Variants in GAS6 observed in about 807,000 individuals in gnomAD.
The protein encoded by GAS6 is growth arrest-specific protein 6.
Under a neutral mutation model 75.8 loss-of-function variants are expected in GAS6, and 41 were observed. The observed-to-expected ratio is 0.54, with a 90% confidence interval of 0.42 to 0.70. The LOEUF (loss-of-function observed/expected upper bound fraction) is 0.70. Among genes scored for constraint, GAS6 ranks in the 30% least tolerant of loss-of-function variants. The pLI, the probability that GAS6 is intolerant of heterozygous loss-of-function variation, is 0.00. For missense variants in GAS6, 854 were observed against 940.2 expected (o/e 0.91, Z 1.20); for synonymous variants, 432 against 412.6 (o/e 1.05, Z -0.57).
chr13:113,834,944 C>T (rs966224961), intron 7 of GAS6, among the ~76,000 whole-genome samples: 10 of 152,256 alleles, frequency 6.6e-5, no homozygotes, highest in African/African-American at 2.4e-4. Flanking sequence ...ACCCCCGCTG[C>T]CGGGCCGGTG....
chr13:113,829,850 C>T lies in GAS6; in HGVS notation c.1144-1139G>A, dbSNP rs188783648. Among the ~76,000 whole-genome samples, 3 of 151,942 alleles carry T rather than the reference C, an allele frequency of 2.0e-5. No individual in the cohort carries two copies. The East Asian group carries it at 5.9e-4, about 30-fold the overall frequency. Reference sequence around the variant, plus strand: ...GACCTCGGGGAGACCACCTGATCCTCACCTGAGCCAAGAGGGTCCCAATCT... The same window carrying T: ...GACCTCGGGGAGACCACCTGATCCTTACCTGAGCCAAGAGGGTCCCAATCT... On this transcript the variant is annotated intron_variant, in intron 10 of 14. Coordinates refer to ENST00000327773, the MANE Select transcript of GAS6 (RefSeq NM_000820.4).
chr13:113,823,081 T>G, intron 13 of GAS6: 1 of 340,262 alleles, frequency 2.9e-6, no homozygotes, highest in Non-Finnish European at 5.3e-6. Context: ...CTAATTCAGA[T>G]TGCTGTGAGC....
At position 113,845,913 on chromosome 13, in the gene GAS6, C is replaced by T. The variant is rs1352713995; in HGVS notation, c.343+614G>A. Among the ~76,000 whole-genome samples, 1 of 152,206 alleles carries T rather than the reference C, an allele frequency of 6.6e-6. No individual in the cohort carries two copies. The highest frequency in any genetic ancestry group is 1.5e-5 in the Non-Finnish European group (1 of 68,040). On this transcript the variant is annotated intron_variant, in intron 4 of 14. Coordinates refer to ENST00000327773, the MANE Select transcript of GAS6 (RefSeq NM_000820.4). The surrounding 1 kb of genome is among the most constrained non-coding windows in gnomAD (Gnocchi z 4.3). ...TATCCAAAGGAAACATGAGGACTGC[C>T]TCTGCGATTCCATCCTTGGGAACGC...
intron 5 of GAS6, 79 bp from the exon 6 acceptor site, chr13:113,838,270 C>G: frequency 2.6e-6 from 4 of 1,558,802 alleles, no homozygotes; most frequent in Non-Finnish European, 3.5e-6. Context: ...CCCAGAGGTG[C>G]ACAGCCCAGC....
intron 3 of GAS6, chr13:113,847,162 C>T: frequency 3.2e-6 from 1 of 314,796 alleles, no homozygotes; most frequent in Non-Finnish European, 6.4e-6. Flanking sequence ...GTTACTGTTG[C>T]TTATCCAGGC....
rs374326361 is a variant in GAS6, at chr13:113,828,549, G to T, written c.1306C>A (p.Pro436Thr). 2 of 1,612,906 alleles carry T rather than the reference G, an allele frequency of 1.2e-6. No individual in the cohort carries two copies. Among genetic ancestry groups the T allele is most frequent in the East Asian group, 4.5e-5 (2 of 44,880 alleles). Reference sequence around the variant, plus strand: ...ACAGGGACAGGTACAGTACTCACAGGCTGCACGAGGTCCTTCTCATGGAAG... The same window carrying T: ...ACAGGGACAGGTACAGTACTCACAGTCTGCACGAGGTCCTTCTCATGGAAG... ...IPFHEKDLVQ[P>T]INPRLDGCMR... Residue 436 changes from proline to threonine, a missense_variant and splice_region_variant, in exon 11 of 15, where the codon CCT (proline) becomes ACT (threonine). Transcript: ENST00000327773.
Position 113,823,528 on chromosome 13 carries a change from C to T in GAS6, c.1500G>A (p.Gly500=). The stretch of plus-strand genomic sequence containing the variant: ...CTTCTACTTCCCAGGTTGATTCAGT[C>T]CCGACGTCCAGAGGGGTCCGCACTG... The part of the protein sequence containing the change: ...LDYMRTPLDV[G]TESTWEVEVV... The change falls in exon 13 of 15, where the codon GGG becomes GGA. Residue 500 remains glycine, a synonymous_variant. Coordinates refer to ENST00000327773, the MANE Select transcript of GAS6 (RefSeq NM_000820.4). The T allele has an allele frequency of 1.9e-6, 3 of 1,612,348 alleles. No homozygotes were observed. The highest frequency in any genetic ancestry group is 2.5e-6 in the Non-Finnish European group (3 of 1,179,714).
rs547278818 is a variant in GAS6, at chr13:113,821,674, T to G, written c.1882+284A>C. 4 of 449,850 alleles carry G rather than the reference T, an allele frequency of 8.9e-6. No homozygotes were observed. The South Asian group carries it at 1.7e-4, about 19-fold the overall frequency. The allele number at this position is 449,850 out of a possible 1,614,324, so 27.9% of individuals were successfully genotyped here. A position where few individuals can be genotyped will look rare whatever the true frequency, so the allele number is the denominator to read the frequency against. ...GCCCTCTCCCCCGGGGCTGGTCTGA[T>G]GGGTGTGGACGAATGCTCCCTGAAG... On this transcript the variant is annotated intron_variant, in intron 14 of 14. Transcript: ENST00000327773.
chr13:113,846,432 A>G, intron 4 of GAS6, 95 bp downstream of exon 4: 1 of 1,036,606 alleles, frequency 9.6e-7, no homozygotes, highest in African/African-American at 1.6e-5. Flanking sequence ...TCCTTAAAAA[A>G]CAGAACTATT....
In GAS6 at chr13:113,863,485, TGGG is replaced by T; in HGVS notation, c.255+87_255+89del. 7.6e-7 allele frequency: 1 copy of T among 1,307,236 alleles called. No individual in the cohort carries two copies. Among genetic ancestry groups the T allele is most frequent in the Non-Finnish European group, 9.9e-7 (1 of 1,006,804 alleles). 81.0% of individuals were successfully genotyped at this position (1,307,236 alleles called of 1,614,324 possible). A position where few individuals can be genotyped will look rare whatever the true frequency, so the allele number is the denominator to read the frequency against. ...GAGGCCAGGCCTCGCCGCGCGGAGC[TGGG>T]GGGCGGCAGCAGCGCTGCCTCTCGG... On this transcript the variant is annotated intron_variant, in intron 2 of 14. Coordinates refer to ENST00000327773, the MANE Select transcript of GAS6 (RefSeq NM_000820.4). The surrounding 1 kb of genome is among the most constrained non-coding windows in gnomAD (Gnocchi z 9.4).
intron 2 of GAS6, among the ~76,000 whole-genome samples, chr13:113,858,673 CTATGTATGCATGTCTG>C (rs2051936979): frequency 2.2e-5 from 3 of 133,886 alleles, no homozygotes; most frequent in Admixed American, 1.5e-4. Flanking sequence ...CTGTGTGTGC[CTATGTATGCATGTCTG>C]TGTGTGTGAC....
intron 8 of GAS6, among the ~76,000 whole-genome samples, chr13:113,834,160 C>T (rs376026424): frequency 3.3e-3 from 473 of 143,472 alleles, no homozygotes; most frequent in South Asian, 0.012. Context: ...TGACAGGCCC[C>T]GGTGTGACAG....
At chr13:113,828,949 T>A (rs71437247) in intron 10 of GAS6, among the ~76,000 whole-genome samples, 2 of 118,050 alleles carry the variant, frequency 1.7e-5, no homozygotes, top group African/African-American at 8.6e-5. Context: ...GCCAAGAGGG[T>A]CCCGACCTCA....
intron 5 of GAS6, among the ~76,000 whole-genome samples, chr13:113,838,481 G>A (rs1302255256): frequency 7.3e-6 from 1 of 137,340 alleles, no homozygotes; most frequent in Non-Finnish European, 1.6e-5. Flanking sequence ...GCCCAGCCCC[G>A]GAGCAGGAGG....
chr13:113,847,847 T>A, intron 3 of GAS6, 179 bp downstream of exon 3: 1 of 666,772 alleles, frequency 1.5e-6, no homozygotes, highest in Non-Finnish European at 2.7e-6. Context: ...AGCTGTGGTA[T>A]AAAATAAAGA....
chr13:113,860,373 G>A (rs1003602812), intron 2 of GAS6, among the ~76,000 whole-genome samples: 15 of 152,220 alleles, frequency 9.9e-5, no homozygotes, highest in Non-Finnish European at 2.1e-4. Flanking sequence ...CAGGCAGGCC[G>A]GGGATCAAAG....
At chr13:113,862,583 C>T (rs1417859351) in intron 2 of GAS6, among the ~76,000 whole-genome samples, 1 of 152,214 alleles carries the variant, frequency 6.6e-6, no homozygotes, top group Non-Finnish European at 1.5e-5. Context: ...GCCCCAGGTG[C>T]GTCATCTCTG....
rs746086233 is a variant in GAS6, at chr13:113,832,701, A to G, written c.886T>C (p.Tyr296His). The G allele has an allele frequency of 1.9e-6, 3 of 1,612,772 alleles. No individual in the cohort carries two copies. The highest frequency in any genetic ancestry group is 2.5e-6 in the Non-Finnish European group (3 of 1,179,964). The change falls in exon 9 of 15, where the codon TAC (tyrosine) becomes CAC (histidine). Residue 296 changes from tyrosine (Y) to histidine (H), a missense_variant. Coordinates refer to ENST00000327773, the MANE Select transcript of GAS6 (RefSeq NM_000820.4). The part of the protein sequence containing the change: ...FSVAKSVKSL[Y>H]LGRMFSGTPV... ...GTCCCACTGAACATCCGGCCCAGGTACAAGGACTTCACACTCTTGGCCACG... is the reference window on the plus strand; with the variant it reads ...GTCCCACTGAACATCCGGCCCAGGTGCAAGGACTTCACACTCTTGGCCACG...
intron 4 of GAS6, 50 bp from the exon 5 acceptor site, chr13:113,839,900 C>A: frequency 6.2e-7 from 1 of 1,611,700 alleles, no homozygotes. Flanking sequence ...CCCACCCCTG[C>A]GCGCCCAACG....
Sources: allele counts gnomAD v4.1 joint callset (sites outside exome capture counted in the v4.1 genomes callset), GRCh38; gene constraint gnomAD v4.1.1; non-coding constraint Gnocchi (gnomAD v3.1); transcripts MANE v1.5; gene names NCBI Gene and HGNC (gene_info 2026-07-23, HGNC 2026-07-21).